LAMB3: variants seen among roughly 807,000 people sequenced by gnomAD.
LAMB3 encodes laminin subunit beta 3.
LAMB3 carries 104 observed loss-of-function variants against 140.3 expected under a neutral mutation model. The ratio of observed to expected loss-of-function variants is 0.74; its 90% CI spans 0.63 to 0.87. The LOEUF (loss-of-function observed/expected upper bound fraction) is 0.87. LAMB3 is among the 40% of genes least tolerant of loss of function. LAMB3 has a pLI of 0.00. For missense variants in LAMB3, 1,531 were observed against 1,575.2 expected (o/e 0.97, Z 0.47); for synonymous variants, 592 against 602.9 (o/e 0.98, Z 0.26).
intron 2 of LAMB3, 37 bp downstream of exon 2, chr1:209,650,880 T>C: frequency 6.2e-7 from 1 of 1,608,524 alleles, no homozygotes; most frequent in Non-Finnish European, 8.5e-7. Flanking sequence ...CTCCCTGCCA[T>C]ATAACAGGGC....
In LAMB3 at chr1:209,623,211, C is replaced by T; in HGVS notation, c.2359-32G>A. ...ACAGATGGCGGTGTTAAAGAGGCTACCCAAAGCCCCTCAATAACCAATCCC... is the reference window on the plus strand; with the variant it reads ...ACAGATGGCGGTGTTAAAGAGGCTATCCAAAGCCCCTCAATAACCAATCCC... On this transcript the variant is annotated intron_variant, in intron 16 of 22. Transcript: ENST00000356082. The surrounding 1 kb of genome is among the most constrained non-coding windows in gnomAD (Gnocchi z 4.2). 3.1e-6 allele frequency: 5 copies of T among 1,610,216 alleles called. No individual in the cohort carries two copies. Among genetic ancestry groups the T allele is most frequent in the South Asian group, 1.1e-5 (1 of 90,838 alleles).
At chr1:209,615,470 C>T (rs148986703) in intron 22 of LAMB3, 63 bp from the exon 23 acceptor site, 2 of 1,513,190 alleles carry the variant, frequency 1.3e-6, no homozygotes, top group Non-Finnish European at 1.8e-6. Flanking sequence ...AGACTCCCAA[C>T]CCTTCCTTCC....
intron 3 of LAMB3, among the ~76,000 whole-genome samples, chr1:209,645,730 A>AAAAG (rs1292753559): frequency 2.6e-5 from 4 of 151,684 alleles, no homozygotes; most frequent in African/African-American, 9.7e-5. Context: ...GGGAAAAAAA[A>AAAAG]AAAAAAAAGC....
chr1:209,623,597 C>T lies in LAMB3; in HGVS notation c.2266G>A (p.Ala756Thr). 2 of 1,613,954 alleles carry T rather than the reference C, an allele frequency of 1.2e-6. No homozygotes were observed. Among genetic ancestry groups the T allele is most frequent in the Non-Finnish European group, 1.7e-6 (2 of 1,179,998 alleles). ...RREAERLVRQ[A>T]GGGGGTGSPK... is the part of the protein sequence containing the mutation. ...CTGCCGGTGCCTCCTCCTCCTCCCG[C>T]CTGCCGCACCAGCCTCTCTGCCTCT... The change falls in exon 16 of 23, where the codon GCG becomes ACG. Residue 756 changes from alanine to threonine, a missense_variant. Transcript: ENST00000356082. This position sits in a 1 kb window ranked among gnomAD's most constrained non-coding sequence, Gnocchi z 4.2.
intron 3 of LAMB3, among the ~76,000 whole-genome samples, chr1:209,649,181 A>G (rs990933212): frequency 1.5e-4 from 23 of 152,170 alleles, no homozygotes; most frequent in African/African-American, 5.1e-4. Context: ...TGGAAAGGGG[A>G]CAGATAACCC....
rs188247575 is a variant in LAMB3 at position 209,651,452 on chromosome 1, C to T, written c.-37-471G>A. On this transcript the variant is annotated intron_variant, in intron 1 of 22. Transcript: ENST00000356082. ...AAAGTGAATGAGTCAGAGTGGCTGACGGCCTGGAGGCAAACCTTCTCCTGT... is the reference window on the plus strand; with the variant it reads ...AAAGTGAATGAGTCAGAGTGGCTGATGGCCTGGAGGCAAACCTTCTCCTGT... The T allele has an allele frequency of 1.5e-4, 26 of 178,134 alleles. No homozygotes were observed. The East Asian group carries it at 2.7e-3, about 18-fold the overall frequency. The allele number at this position is 178,134 out of a possible 1,614,324, so 11.0% of individuals were successfully genotyped here.
rs1380042390 is a variant in LAMB3, at chr1:209,617,423, A to G, written c.3215T>C (p.Leu1072Ser). The G allele has an allele frequency of 8.7e-6, 14 of 1,612,652 alleles. No homozygotes were observed. The highest frequency in any genetic ancestry group is 1.2e-5 in the Non-Finnish European group (14 of 1,180,026). Residue 1072 changes from leucine (L) to serine (S), a missense_variant, in exon 21 of 23, where the codon TTG becomes TCG. By Grantham distance (145) the Leu-to-Ser change is moderately radical (BLOSUM62 -2). Transcript: ENST00000356082. ...CCTTCTCTGTACCTCTTGGGCACTCAATGCCTGCTCGCTGGCACCTTCCGC... is the reference window on the plus strand; with the variant it reads ...CCTTCTCTGTACCTCTTGGGCACTCGATGCCTGCTCGCTGGCACCTTCCGC... Reference protein sequence around the residue: ...QLAEGASEQALSAQEGFERIK... With the variant: ...QLAEGASEQASSAQEGFERIK...
chr1:209,633,241 T>G (rs1666762599), intron 6 of LAMB3, 108 bp from the exon 7 acceptor site: 1 of 815,638 alleles, frequency 1.2e-6, no homozygotes, highest in Admixed American at 1.9e-5. Flanking sequence ...AAGTCCTTGT[T>G]ACCTGGAACC....
At position 209,623,082 on chromosome 1, in the gene LAMB3, C is replaced by G. The variant is rs1405984648; in HGVS notation, c.2456G>C (p.Arg819Thr). The change falls in exon 17 of 23, where the codon AGG becomes ACG. Residue 819 changes from arginine to threonine, a missense_variant. Coordinates refer to ENST00000356082, the MANE Select transcript of LAMB3 (RefSeq NM_000228.3). The surrounding 1 kb of genome is among the most constrained non-coding windows in gnomAD (Gnocchi z 4.2). ...DNGTACGSRC[R>T]GVLPRAGGAF... ...CCCACCGGCCCTGGGAAGGACACCCCTGCAGCGGGAGCCACAGGCTGTGCC... is the reference window on the plus strand; with the variant it reads ...CCCACCGGCCCTGGGAAGGACACCCGTGCAGCGGGAGCCACAGGCTGTGCC... The G allele has an allele frequency of 1.2e-6, 2 of 1,614,118 alleles. No homozygotes were observed. Among genetic ancestry groups the G allele is most frequent in the African/African-American group, 1.3e-5 (1 of 74,934 alleles).
chr1:209,631,040 C>T (rs750932114), intron 8 of LAMB3, among the ~76,000 whole-genome samples: 21 of 152,230 alleles, frequency 1.4e-4, no homozygotes, highest in Admixed American at 3.9e-4. Context: ...TCAGAGGCAG[C>T]GCTTGGCAGG....
chr1:209,627,561 A>C lies in LAMB3; in HGVS notation c.1307T>G (p.Leu436Arg), dbSNP rs1336595738. ...QGCHRCDCNI[L>R]GSRRDMPCDE... ...ACACGGCATGTCCCTCCGGGACCCC[A>C]GGATGTTGCAGTCACAGCCTGCAGG... is the stretch of plus-strand genomic sequence containing the variant. Residue 436 changes from leucine (L) to arginine (R), a missense_variant, in exon 12 of 23, where the codon CTG becomes CGG. By Grantham distance (102) the Leu-to-Arg change is moderately radical (BLOSUM62 -2). Transcript: ENST00000356082. The C allele has an allele frequency of 6.2e-7, 1 of 1,614,030 alleles. No homozygotes were observed. The highest frequency in any genetic ancestry group is 2.2e-5 in the East Asian group (1 of 44,866).
At chr1:209,626,845 C>T (rs1558154468) in intron 13 of LAMB3, 22 bp downstream of exon 13, 5 of 1,587,852 alleles carry the variant, frequency 3.1e-6, no homozygotes, top group Non-Finnish European at 3.5e-6. Flanking sequence ...GCCTCAGCGT[C>T]CCCCAGGCTT....
chr1:209,649,819 C>A (rs968609753), intron 3 of LAMB3, 145 bp downstream of exon 3: 2 of 889,682 alleles, frequency 2.2e-6, no homozygotes, highest in East Asian at 5.3e-5. Context: ...AAGGATCTGG[C>A]CTTATACTTT....
intron 3 of LAMB3, among the ~76,000 whole-genome samples, chr1:209,648,068 G>T (rs1009306322): frequency 1.3e-5 from 2 of 152,174 alleles, no homozygotes; most frequent in Non-Finnish European, 2.9e-5. Context: ...GGACAAAAAG[G>T]GAGTCTCTAT....
At chr1:209,642,073 T>C (rs775751474) in intron 3 of LAMB3, among the ~76,000 whole-genome samples, 3 of 152,174 alleles carry the variant, frequency 2.0e-5, no homozygotes, top group Non-Finnish European at 4.4e-5. Flanking sequence ...GACAAGGAGC[T>C]GGAGACTGCG....
chr1:209,650,266 A>T lies in LAMB3; in HGVS notation c.29-148T>A, dbSNP rs898721379. ...ACTCGCTGCTGGCAGTAATAATTGC[A>T]GTATTGATACTGTTATATTTTGAAA... On this transcript the variant is annotated intron_variant, in intron 2 of 22. Coordinates refer to ENST00000356082, the MANE Select transcript of LAMB3 (RefSeq NM_000228.3). 5.0e-6 allele frequency: 4 copies of T among 798,036 alleles called. No individual in the cohort carries two copies. The Admixed American group carries it at 6.2e-5, about 12-fold the overall frequency. The allele number at this position is 798,036 out of a possible 1,614,324, so 49.4% of individuals were successfully genotyped here.
rs771351792 is a variant in LAMB3, at chr1:209,616,611, A to C, written c.3242T>G (p.Ile1081Arg). 1.2e-6 allele frequency: 2 copies of C among 1,614,116 alleles called. No homozygotes were observed. The highest frequency in any genetic ancestry group is 1.7e-6 in the Non-Finnish European group (2 of 1,180,000). ...ALSAQEGFER[I>R]KQKYAELKDR... is the part of the protein sequence containing the mutation. ...CTTCAACTCAGCATACTTTTGTTTT[A>C]TTCTCTCAAATCCCTGAAAAAGGTA... is the stretch of plus-strand genomic sequence containing the variant. The change falls in exon 22 of 23, where the codon ATA (isoleucine) becomes AGA (arginine). Residue 1081 changes from isoleucine to arginine, a missense_variant. Coordinates refer to ENST00000356082, the MANE Select transcript of LAMB3 (RefSeq NM_000228.3).
At chr1:209,625,293 C>T (rs1458081274) in intron 14 of LAMB3, among the ~76,000 whole-genome samples, 1 of 152,162 alleles carries the variant, frequency 6.6e-6, no homozygotes, top group African/African-American at 2.4e-5. Flanking sequence ...TTTTTAGAGC[C>T]CCTGCCTCTC....
intron 8 of LAMB3, among the ~76,000 whole-genome samples, chr1:209,631,238 A>G (rs142712487): frequency 8.5e-5 from 13 of 152,348 alleles, no homozygotes; most frequent in African/African-American, 3.1e-4. Flanking sequence ...ATTAAGCCCA[A>G]CACCTTCAGC....
Sources: allele counts gnomAD v4.1 joint callset (sites outside exome capture counted in the v4.1 genomes callset), GRCh38; gene constraint gnomAD v4.1.1; non-coding constraint Gnocchi (gnomAD v3.1); transcripts MANE v1.5; gene names NCBI Gene and HGNC (gene_info 2026-07-23, HGNC 2026-07-21).